Variants in GPC6 observed in about 807,000 individuals in gnomAD.
The protein encoded by GPC6 is glypican 6.
Under a neutral mutation model 55.2 loss-of-function variants are expected in GPC6, and 14 were observed. The observed-to-expected ratio is 0.25, with a 90% CI of 0.17 to 0.40. The LOEUF (loss-of-function observed/expected upper bound fraction) is 0.40. Among genes scored for constraint, GPC6 ranks in the 10% least tolerant of loss-of-function variants. GPC6 has a pLI of 1.00. For missense variants in GPC6, 641 were observed against 708.5 expected (o/e 0.90, Z 1.08); for synonymous variants, 278 against 259.6 (o/e 1.07, Z -0.68).
At chr13:93,615,729 T>C (rs1878689757) in intron 2 of GPC6, among the ~76,000 whole-genome samples, 1 of 152,142 alleles carries the variant, frequency 6.6e-6, no homozygotes, top group Non-Finnish European at 1.5e-5. Flanking sequence ...TACTGGGGTG[T>C]TGTGAGTACA....
chr13:94,045,994 C>T (rs369180256), intron 4 of GPC6, among the ~76,000 whole-genome samples: 22 of 151,866 alleles, frequency 1.4e-4, no homozygotes, highest in African/African-American at 5.1e-4. Context: ...TCAGAGAGTT[C>T]GAGTAAGTGG....
chr13:93,769,178 A>C (rs756404835), intron 2 of GPC6, among the ~76,000 whole-genome samples: 1 of 152,186 alleles, frequency 6.6e-6, no homozygotes, highest in South Asian at 2.1e-4. Flanking sequence ...TTTGTCTTCC[A>C]TTAAATATGG....
chr13:93,732,387 T>A (rs1883857755), intron 2 of GPC6, among the ~76,000 whole-genome samples: 2 of 152,126 alleles, frequency 1.3e-5, no homozygotes, highest in Admixed American at 1.3e-4. Flanking sequence ...ATAAGACAGA[T>A]GATTTTGTTT....
intron 1 of GPC6, among the ~76,000 whole-genome samples, chr13:93,261,925 TACACACACACACACAC>T (rs34841808): frequency 2.3e-4 from 33 of 144,614 alleles, no homozygotes; most frequent in Middle Eastern, 3.5e-3. Context: ...TCTCTCCCTC[TACACACACACACACAC>T]ACACACACAC....
intron 1 of GPC6, among the ~76,000 whole-genome samples, chr13:93,489,234 T>C (rs146105249): frequency 6.6e-6 from 1 of 151,566 alleles, no homozygotes; most frequent in Non-Finnish European, 1.5e-5. Flanking sequence ...CGGAATCCTT[T>C]CCCTATTTCT....
At chr13:94,239,489 G>C (rs1261254410) in intron 4 of GPC6, among the ~76,000 whole-genome samples, 2 of 152,142 alleles carry the variant, frequency 1.3e-5, no homozygotes, top group Non-Finnish European at 2.9e-5. Flanking sequence ...ACCACATGTA[G>C]ATGATTCTTG....
intron 2 of GPC6, among the ~76,000 whole-genome samples, chr13:93,721,940 G>A (rs934480038): frequency 1.3e-5 from 2 of 151,712 alleles, no homozygotes; most frequent in Non-Finnish European, 2.9e-5. Context: ...ATATGCATTT[G>A]CTTTGAAAAA....
intron 1 of GPC6, among the ~76,000 whole-genome samples, chr13:93,478,965 A>T (rs1879400279): frequency 6.6e-6 from 1 of 152,200 alleles, no homozygotes; most frequent in African/African-American, 2.4e-5. Flanking sequence ...ACATGGGTGT[A>T]CTCAGAAAGG....
intron 4 of GPC6, among the ~76,000 whole-genome samples, chr13:94,244,255 C>T (rs187638302): frequency 4.7e-4 from 72 of 152,212 alleles, no homozygotes; most frequent in Middle Eastern, 3.4e-3. Flanking sequence ...GGGGCCAGCA[C>T]GTAACTCCGC....
chr13:94,111,473 TATAATAATAATA>T lies in GPC6; in HGVS notation c.877+83608_877+83619del, dbSNP rs149246452. 2.7e-3 allele frequency among the ~76,000 whole-genome samples: 393 copies of T among 144,418 alleles called. 4 individuals are homozygous for T. The highest frequency in any genetic ancestry group is 4.8e-3 in the African/African-American group (192 of 39,804). 94.7% of individuals were successfully genotyped at this position (144,418 alleles called of 152,430 possible). A position where few individuals can be genotyped will look rare whatever the true frequency, so the allele number is the denominator to read the frequency against. On this transcript the variant is annotated intron_variant, in intron 4 of 8. Coordinates refer to ENST00000377047, the MANE Select transcript of GPC6 (RefSeq NM_005708.5). ...CATGTATTCCAGAACTTAAAGTAAA[TATAATAATAATA>T]ATAATAATAATAATAATAATAATAA...
intron 1 of GPC6, among the ~76,000 whole-genome samples, chr13:93,361,621 AAAAG>A (rs1295656708): frequency 2.0e-5 from 3 of 152,206 alleles, no homozygotes; most frequent in Non-Finnish European, 4.4e-5. Flanking sequence ...TATATTCATA[AAAAG>A]AAAAAGTGTT....
chr13:94,249,353 CAT>C (rs1282839563), intron 4 of GPC6, among the ~76,000 whole-genome samples: 1 of 152,068 alleles, frequency 6.6e-6, no homozygotes, highest in Non-Finnish European at 1.5e-5. Context: ...ACAAAACAAT[CAT>C]ACAAAAGAGA....
intron 3 of GPC6, among the ~76,000 whole-genome samples, chr13:93,846,680 G>A (rs189127832): frequency 6.6e-6 from 1 of 152,236 alleles, no homozygotes; most frequent in Admixed American, 6.5e-5. Flanking sequence ...CAGGCATGAT[G>A]GTGAGCACCT....
intron 2 of GPC6, among the ~76,000 whole-genome samples, chr13:93,675,831 G>A (rs1881565116): frequency 6.6e-6 from 1 of 152,042 alleles, no homozygotes; most frequent in African/African-American, 2.4e-5. Context: ...GAAGTGGAAA[G>A]CTGCATCCCA....
chr13:93,467,355 C>A (rs931367039), intron 1 of GPC6, among the ~76,000 whole-genome samples: 1 of 152,080 alleles, frequency 6.6e-6, no homozygotes, highest in African/African-American at 2.4e-5. Flanking sequence ...AGTATGGTGA[C>A]TTACAAATGG....
rs143581796 is a variant in GPC6 at position 93,664,428 on chromosome 13, A to C, written c.319+119007A>C. Among the ~76,000 whole-genome samples, 21 of 152,344 alleles carry C rather than the reference A, an allele frequency of 1.4e-4. 1 individual carries two copies. In the East Asian group the frequency reaches 3.7e-3, roughly 27 times the overall value. On this transcript the variant is annotated intron_variant, in intron 2 of 8. Transcript: ENST00000377047. ...CACTAGGTAGACTATTATTTTTGGA[A>C]ATCAGAGCATTTCCCTTGTTAAGGG...
At position 94,327,392 on chromosome 13, in the gene GPC6, T is replaced by C. The variant is rs1284678397; in HGVS notation, c.1152+21269T>C. Among the ~76,000 whole-genome samples the C allele has an allele frequency of 3.9e-5, 6 of 152,234 alleles. No individual in the cohort carries two copies. In the East Asian group the frequency reaches 1.2e-3, roughly 29 times the overall value. On this transcript the variant is annotated intron_variant, in intron 6 of 8. Coordinates refer to ENST00000377047, the MANE Select transcript of GPC6 (RefSeq NM_005708.5). ...CCTTTTGCGTCTCTTTCCCAGCTCT[T>C]CTCTTCTTCTCTATCCTCTGCACCC...
intron 4 of GPC6, among the ~76,000 whole-genome samples, chr13:94,053,089 A>T (rs1270935797): frequency 1.3e-5 from 2 of 152,234 alleles, no homozygotes; most frequent in East Asian, 3.8e-4. Context: ...ATTTTTGAAG[A>T]GAATGACTGT....
At chr13:93,353,357 A>G (rs1594113497) in intron 1 of GPC6, among the ~76,000 whole-genome samples, 1 of 152,210 alleles carries the variant, frequency 6.6e-6, no homozygotes, top group Non-Finnish European at 1.5e-5. Context: ...CTCAGAAAGT[A>G]GAGTAACATC....
Sources: allele counts gnomAD v4.1 joint callset (sites outside exome capture counted in the v4.1 genomes callset), GRCh38; gene constraint gnomAD v4.1.1; transcripts MANE v1.5; gene names NCBI Gene and HGNC (gene_info 2026-07-23, HGNC 2026-07-21).